The following RFTN2 variants were observed in gnomAD, a reference collection of about 807,000 sequenced individuals.
RFTN2 encodes raftlin family member 2.
Under a neutral mutation model 52.7 loss-of-function variants are expected in RFTN2, and 34 were observed. That is an observed-to-expected ratio of 0.64 (90% CI 0.49 to 0.86). The LOEUF (loss-of-function observed/expected upper bound fraction) is 0.86, where lower values mean the gene tolerates loss of function less well. Ranked by LOEUF, RFTN2 falls within the 40% of genes least tolerant of loss-of-function variation. RFTN2 has a pLI of 0.00. For missense variants in RFTN2, 536 were observed against 600.1 expected (o/e 0.89, Z 1.12); for synonymous variants, 203 against 217.7 (o/e 0.93, Z 0.59).
intron 8 of RFTN2, among the ~76,000 whole-genome samples, chr2:197,573,349 T>C (rs1018535804): frequency 1.3e-5 from 2 of 152,208 alleles, no homozygotes; most frequent in Non-Finnish European, 2.9e-5. Context: ...GGAGCAAAGG[T>C]GTCTCTTGCT....
intron 1 of RFTN2, among the ~76,000 whole-genome samples, chr2:197,655,483 C>T (rs1424944255): frequency 6.6e-6 from 1 of 152,112 alleles, no homozygotes; most frequent in Non-Finnish European, 1.5e-5. Flanking sequence ...AAAGGGAGAA[C>T]AAATGTTGTA....
At chr2:197,623,446 T>C (rs1475372311) in intron 5 of RFTN2, among the ~76,000 whole-genome samples, 5 of 152,196 alleles carry the variant, frequency 3.3e-5, no homozygotes, top group South Asian at 4.1e-4. Context: ...TTGCTTCTTA[T>C]GGATGAGCAA....
chr2:197,576,322 C>T (rs1260869469), intron 8 of RFTN2, among the ~76,000 whole-genome samples: 5 of 152,032 alleles, frequency 3.3e-5, no homozygotes, highest in Non-Finnish European at 7.4e-5. Flanking sequence ...GGTGTGGTGT[C>T]TGGCCTTTAA....
intron 1 of RFTN2, among the ~76,000 whole-genome samples, chr2:197,653,339 G>C (rs1321320077): frequency 6.7e-6 from 1 of 149,544 alleles, no homozygotes; most frequent in Admixed American, 6.7e-5. Context: ...GAGACCTGAC[G>C]GGTGTCTTTC....
chr2:197,640,424 A>G (rs1421589831), intron 3 of RFTN2, among the ~76,000 whole-genome samples: 1 of 152,244 alleles, frequency 6.6e-6, no homozygotes, highest in African/African-American at 2.4e-5. Context: ...CAGGTGCCGG[A>G]TATAATCTCG....
chr2:197,636,220 G>A (rs1401648192), intron 3 of RFTN2, among the ~76,000 whole-genome samples: 12 of 150,886 alleles, frequency 8.0e-5, no homozygotes, highest in Admixed American at 2.6e-4. Flanking sequence ...TTGGCGACGC[G>A]GGCTCTTTTT....
At chr2:197,670,060 A>G (rs1013608198) in intron 1 of RFTN2, among the ~76,000 whole-genome samples, 1 of 152,148 alleles carries the variant, frequency 6.6e-6, no homozygotes, top group African/African-American at 2.4e-5. Flanking sequence ...TGTGGAATTC[A>G]TCTTGTGTAA....
In RFTN2 at chr2:197,675,577, C is replaced by A; in HGVS notation, c.-119G>T. ...TGCTTTGATTTTGTTTTCAGCTAAA[C>A]TATAGATAACCAAAAAAAAAAAAAA... On this transcript the variant is annotated 5_prime_UTR_variant, in exon 1 of 9. Transcript: ENST00000295049. 2.7e-4 allele frequency: 18 copies of A among 67,314 alleles called. No individual in the cohort carries two copies. The highest frequency in any genetic ancestry group is 4.4e-4 in the Non-Finnish European group (16 of 36,186). 4.2% of individuals were successfully genotyped at this position (67,314 alleles called of 1,614,324 possible). A position where few individuals can be genotyped will look rare whatever the true frequency, so the allele number is the denominator to read the frequency against.
intron 1 of RFTN2, among the ~76,000 whole-genome samples, chr2:197,649,239 G>T (rs1010121629): frequency 6.6e-6 from 1 of 152,212 alleles, no homozygotes; most frequent in Non-Finnish European, 1.5e-5. Flanking sequence ...GATCATGGAA[G>T]TGGGGATGGT....
intron 3 of RFTN2, among the ~76,000 whole-genome samples, chr2:197,640,341 C>A (rs1430705100): frequency 6.6e-6 from 1 of 152,206 alleles, no homozygotes; most frequent in Non-Finnish European, 1.5e-5. Flanking sequence ...AGCCTCACTG[C>A]CGCCTTGCAG....
intron 1 of RFTN2, 96 bp from the exon 2 acceptor site, chr2:197,646,762 G>T: frequency 2.0e-6 from 2 of 1,014,364 alleles, no homozygotes; most frequent in South Asian, 1.7e-5. Context: ...AATAGGAAAA[G>T]ATCTTGGCCG....
In RFTN2 at chr2:197,582,188, C is replaced by G. The variant is rs985310408; in HGVS notation, c.1234-9908G>C. 5.9e-5 allele frequency among the ~76,000 whole-genome samples: 9 copies of G among 152,222 alleles called. No homozygotes were observed. In the East Asian group the frequency reaches 1.7e-3, roughly 29 times the overall value. On this transcript the variant is annotated intron_variant, in intron 8 of 8. Transcript: ENST00000295049. ...CCTCAAAATCACAAACTATGCTCAACTCACTCTCTACAGTTCTCATAACTT... is the reference window on the plus strand; with the variant it reads ...CCTCAAAATCACAAACTATGCTCAAGTCACTCTCTACAGTTCTCATAACTT...
intron 8 of RFTN2, among the ~76,000 whole-genome samples, chr2:197,581,374 T>TC (rs2087507124): frequency 6.6e-6 from 1 of 152,116 alleles, no homozygotes; most frequent in Admixed American, 6.6e-5. Flanking sequence ...TTTTCACTAT[T>TC]CCCCTGCACC....
chr2:197,655,796 C>T (rs763991645), intron 1 of RFTN2, among the ~76,000 whole-genome samples: 1 of 152,118 alleles, frequency 6.6e-6, no homozygotes, highest in African/African-American at 2.4e-5. Flanking sequence ...TGCACTCCAG[C>T]CTGGGAACAG....
intron 4 of RFTN2, among the ~76,000 whole-genome samples, chr2:197,633,022 A>T (rs77131403): frequency 0.012 from 1,786 of 152,278 alleles, 28 homozygotes; most frequent in African/African-American, 0.041. Context: ...CTGATTCCAG[A>T]GCCCATGTTG....
chr2:197,659,454 C>A (rs1295921625), intron 1 of RFTN2, among the ~76,000 whole-genome samples: 3 of 125,766 alleles, frequency 2.4e-5, no homozygotes, highest in African/African-American at 9.3e-5. Flanking sequence ...TCCAGCCTGG[C>A]AACAGAGCAA....
chr2:197,648,372 C>T (rs1419091267), intron 1 of RFTN2, among the ~76,000 whole-genome samples: 1 of 152,202 alleles, frequency 6.6e-6, no homozygotes, highest in African/African-American at 2.4e-5. Flanking sequence ...TCTTCTTCAT[C>T]ATTATGAATA....
chr2:197,667,117 A>T (rs1420964382), intron 1 of RFTN2, among the ~76,000 whole-genome samples: 2 of 151,988 alleles, frequency 1.3e-5, no homozygotes, highest in African/African-American at 2.4e-5. Flanking sequence ...AGTAGCTGGG[A>T]TTACAGGCAT....
intron 1 of RFTN2, among the ~76,000 whole-genome samples, chr2:197,672,194 G>T (rs927917552): frequency 2.4e-4 from 36 of 152,246 alleles, no homozygotes; most frequent in African/African-American, 8.2e-4. Context: ...TTGGCATAAA[G>T]TTCCAGAAAA....
Sources: allele counts gnomAD v4.1 joint callset (sites outside exome capture counted in the v4.1 genomes callset), GRCh38; gene constraint gnomAD v4.1.1; transcripts MANE v1.5; gene names NCBI Gene and HGNC (gene_info 2026-07-23, HGNC 2026-07-21).